The following ANKS3 variants were observed in gnomAD, a reference collection of about 807,000 sequenced individuals.
ANKS3 encodes the protein ankyrin repeat and SAM domain-containing protein 3.
ANKS3 carries 62 observed loss-of-function variants against 80.7 expected under a neutral mutation model. That is an observed-to-expected ratio of 0.77 (90% CI 0.63 to 0.95). ANKS3 has a LOEUF of 0.95. Ranked by LOEUF, ANKS3 falls within the 40% of genes least tolerant of loss-of-function variation. ANKS3 has a pLI of 0.00. For synonymous variants in ANKS3, 489 were observed against 355.3 expected (o/e 1.38, Z -4.23); for missense variants, 1,150 against 883.6 (o/e 1.30, Z -3.82).
intron 3 of ANKS3, among the ~76,000 whole-genome samples, chr16:4,728,915 C>T (rs1179102768): frequency 6.6e-6 from 1 of 152,202 alleles, no homozygotes; most frequent in Non-Finnish European, 1.5e-5. Flanking sequence ...CTGGGTATGT[C>T]TAAGTGAGGG....
rs182507149 is a variant in ANKS3 at position 4,706,378 on chromosome 16, C to A, written c.710-1125G>T. Among the ~76,000 whole-genome samples, 888 of 151,970 alleles carry A rather than the reference C, an allele frequency of 5.8e-3. 10 individuals are homozygous for A. Among genetic ancestry groups the A allele is most frequent in the African/African-American group, 0.02 (834 of 41,428 alleles). ...CCCAAGTAGCTGGGACTACAGGCAC[C>A]CGGCCACCATGCCCAGCTAATCTTG... On this transcript the variant is annotated intron_variant, in intron 7 of 17. Transcript: ENST00000304283.
intron 6 of ANKS3, among the ~76,000 whole-genome samples, chr16:4,715,369 G>T (rs2080739524): frequency 6.6e-6 from 1 of 152,226 alleles, no homozygotes; most frequent in African/African-American, 2.4e-5. Flanking sequence ...CAGGCAGCTG[G>T]GGGAGGCAGG....
At chr16:4,724,284 C>G (rs1280293082) in intron 6 of ANKS3, among the ~76,000 whole-genome samples, 1 of 152,174 alleles carries the variant, frequency 6.6e-6, no homozygotes, top group Non-Finnish European at 1.5e-5. Context: ...AAGTTACAGA[C>G]TATACGTAGA....
intron 8 of ANKS3, 48 bp downstream of exon 8, chr16:4,705,047 T>C: frequency 6.3e-7 from 1 of 1,596,702 alleles, no homozygotes; most frequent in Admixed American, 1.7e-5. Flanking sequence ...CAACACAAAA[T>C]CCTGGTATGC....
chr16:4,703,238 A>G (rs1596360385), intron 8 of ANKS3, among the ~76,000 whole-genome samples: 1 of 152,194 alleles, frequency 6.6e-6, no homozygotes, highest in South Asian at 2.1e-4. Context: ...TCAGCCTCTC[A>G]TGTAACTGGG....
chr16:4,731,958 C>T (rs144281378), intron 1 of ANKS3, among the ~76,000 whole-genome samples: 2 of 152,294 alleles, frequency 1.3e-5, no homozygotes, highest in African/African-American at 4.8e-5. Flanking sequence ...AAACAAAGGC[C>T]TTGTCAGGTT....
intron 8 of ANKS3, among the ~76,000 whole-genome samples, chr16:4,703,462 C>T (rs1023585741): frequency 1.4e-5 from 2 of 147,158 alleles, no homozygotes; most frequent in Non-Finnish European, 3.0e-5. Flanking sequence ...TGCTCTGTCA[C>T]CAGACTGGAG....
intron 11 of ANKS3, 90 bp downstream of exon 11, chr16:4,700,880 G>C: frequency 6.6e-7 from 1 of 1,515,590 alleles, no homozygotes; most frequent in Non-Finnish European, 9.1e-7. Flanking sequence ...TCCTAGCAGC[G>C]CCTGGCACGT....
Position 4,721,111 on chromosome 16 carries a change from C to T in ANKS3, c.573+3639G>A, listed in dbSNP as rs75246135. ...ACGAGGTCAGGAGATCGAGACCATC[C>T]TGGCTAACGCGGTGAAACCCCGTCT... On this transcript the variant is annotated intron_variant, in intron 6 of 17. Transcript: ENST00000304283. 0.02 allele frequency among the ~76,000 whole-genome samples: 2,983 copies of T among 149,376 alleles called. 281 individuals carry two copies. In the East Asian group the frequency reaches 0.21, roughly 11 times the overall value.
intron 7 of ANKS3, among the ~76,000 whole-genome samples, chr16:4,711,963 A>G (rs927350605): frequency 1.3e-5 from 2 of 152,210 alleles, no homozygotes; most frequent in Non-Finnish European, 2.9e-5. Context: ...AAGACCAGGT[A>G]GCACTAATGC....
At chr16:4,697,844 A>G in intron 15 of ANKS3, 133 bp downstream of exon 15, 1 of 862,734 alleles carries the variant, frequency 1.2e-6, no homozygotes, top group Non-Finnish European at 1.7e-6. Flanking sequence ...GGACTCTGGG[A>G]TCATGTGCAC....
chr16:4,696,868 A>G lies in ANKS3; in HGVS notation c.*40T>C, dbSNP rs947240064. 2.7e-6 allele frequency: 2 copies of G among 729,508 alleles called. No homozygotes were observed. The highest frequency in any genetic ancestry group is 4.4e-5 in the Admixed American group (2 of 45,006). 45.2% of individuals were successfully genotyped at this position (729,508 alleles called of 1,614,324 possible). ...TCCTCACTCCCTGGCACACAGCTTC[A>G]GGGTGGACCAATCACCCAACGTCAG... On this transcript the variant is annotated 3_prime_UTR_variant, in exon 18 of 18. Coordinates refer to ENST00000304283, the MANE Select transcript of ANKS3 (RefSeq NM_133450.4).
In ANKS3 at chr16:4,698,026, C is replaced by T. The variant is rs1278696567; in HGVS notation, c.1761G>A (p.Gln587=). 1 of 1,609,386 alleles carries T rather than the reference C, an allele frequency of 6.2e-7. No homozygotes were observed. The highest frequency in any genetic ancestry group is 8.5e-7 in the Non-Finnish European group (1 of 1,178,666). The change falls in exon 15 of 18, where the codon CAG becomes CAA. Residue 587 remains glutamine, a synonymous_variant. Transcript: ENST00000304283. ...GAGTGGCTGCACCAGGGGGCTGGTC[C>T]TGCCTCACTCGAGATGACAGCTCAG... ...CQAELSSRVR[Q]DQPPGAATLG... is the part of the protein sequence containing the mutation.
At chr16:4,708,689 G>C (rs953976417) in intron 7 of ANKS3, among the ~76,000 whole-genome samples, 22 of 152,022 alleles carry the variant, frequency 1.4e-4, no homozygotes, top group Non-Finnish European at 2.9e-4. Flanking sequence ...AATTCTAGCA[G>C]TTTGGGAGGC....
intron 7 of ANKS3, among the ~76,000 whole-genome samples, chr16:4,712,872 C>T (rs555808785): frequency 1.3e-5 from 2 of 152,146 alleles, no homozygotes; most frequent in Admixed American, 6.5e-5. Flanking sequence ...GTGTATCCAT[C>T]GATACTTAAA....
At chr16:4,726,626 C>T in intron 5 of ANKS3, 33 bp downstream of exon 5, 1 of 1,606,198 alleles carries the variant, frequency 6.2e-7, no homozygotes, top group Non-Finnish European at 8.5e-7. Context: ...ACACCTAGGC[C>T]ACTCCTGTGG....
chr16:4,720,258 T>C (rs903812205), intron 6 of ANKS3, among the ~76,000 whole-genome samples: 1 of 147,634 alleles, frequency 6.8e-6, no homozygotes, highest in African/African-American at 2.5e-5. Context: ...GGTCAAGAGA[T>C]TGAGACCATC....
intron 14 of ANKS3, 105 bp downstream of exon 14, chr16:4,698,322 A>G: frequency 7.8e-6 from 11 of 1,405,988 alleles, no homozygotes; most frequent in Non-Finnish European, 1.0e-5. Context: ...AGACCCTGAA[A>G]TCCACCCCTC....
intron 7 of ANKS3, among the ~76,000 whole-genome samples, chr16:4,710,999 G>C (rs974637460): frequency 6.6e-6 from 1 of 151,762 alleles, no homozygotes; most frequent in Non-Finnish European, 1.5e-5. Flanking sequence ...ATGTTGGCCA[G>C]GCTGGTCTTG....
Sources: allele counts gnomAD v4.1 joint callset (sites outside exome capture counted in the v4.1 genomes callset), GRCh38; gene constraint gnomAD v4.1.1; transcripts MANE v1.5; gene names NCBI Gene and HGNC (gene_info 2026-07-23, HGNC 2026-07-21).